The following CDC27 variants were observed in gnomAD, a reference collection of about 807,000 sequenced individuals.
The protein encoded by CDC27 is cell division cycle protein 27 homolog.
A neutral mutation model predicts 109.7 loss-of-function variants in CDC27; 27 were observed. That is an observed-to-expected ratio of 0.25 (90% CI 0.18 to 0.34). CDC27 has a LOEUF of 0.34. Among genes scored for constraint, CDC27 ranks in the 10% least tolerant of loss-of-function variants. CDC27 has a pLI of 1.00. For missense variants in CDC27, 579 were observed against 960.2 expected (o/e 0.60, Z 5.25); for synonymous variants, 266 against 333.9 (o/e 0.80, Z 2.22).
At chr17:47,133,046 CACACACACATACATAT>C (rs1708126975) in intron 14 of CDC27, among the ~76,000 whole-genome samples, 6 of 66,876 alleles carry the variant, frequency 9.0e-5, no homozygotes, top group African/African-American at 3.1e-4. Flanking sequence ...CACACACACA[CACACACACATACATAT>C]ACACACACAC....
Position 47,169,987 on chromosome 17 carries a change from G to C in CDC27, c.307C>G (p.His103Asp), listed in dbSNP as rs2063766734. Residue 103 changes from histidine to aspartate, a missense_variant, in exon 4 of 19, where the codon CAT becomes GAT. His to Asp is a moderately conservative substitution (Grantham distance 81). Around this residue, in one of 9 missense-constraint regions of CDC27, gnomAD observed 52 missense variants for 63.4 expected, o/e 0.82. Transcript: ENST00000066544. ...CCAAACTCAGTAACAATATCATCAT[G>C]GCTTTTCTGCTTATTAAACACTCCA... ...SGGVFNKQKS[H>D]DDIVTEFGDS... is the part of the protein sequence containing the mutation. 3 of 1,594,034 alleles carry C rather than the reference G, an allele frequency of 1.9e-6. No individual in the cohort carries two copies. Among genetic ancestry groups the C allele is most frequent in the East Asian group, 2.3e-5 (1 of 43,252 alleles).
intron 2 of CDC27, among the ~76,000 whole-genome samples, chr17:47,177,760 T>C (rs746145910): frequency 6.6e-5 from 10 of 152,106 alleles, no homozygotes; most frequent in Non-Finnish European, 1.2e-4. Context: ...CTTAGTCTCA[T>C]AGAGTTCCAT....
intron 4 of CDC27, among the ~76,000 whole-genome samples, chr17:47,163,428 C>T (rs1157825345): frequency 6.6e-6 from 1 of 152,144 alleles, no homozygotes; most frequent in Non-Finnish European, 1.5e-5. Context: ...TGGCTGGGTG[C>T]TGTGGCTCAT....
In CDC27 at chr17:47,143,914, C is replaced by A; in HGVS notation, c.1139G>T (p.Arg380Leu). The change falls in exon 10 of 19, where the codon CGA becomes CTA. Residue 380 changes from arginine to leucine, a missense_variant. This residue lies in a region of CDC27 where 51 missense variants were observed against 43.8 expected (regional missense o/e 1.16). Transcript: ENST00000066544. ...TGTGGAGCTGTCACTAGTAAAGAGT[C>A]GTGAACTTCTTCGAGGCAGTGCGTT... is the stretch of plus-strand genomic sequence containing the variant. ...PPNALPRRSSRLFTSDSSTTK... is the reference protein window; with the variant it reads ...PPNALPRRSSLLFTSDSSTTK... 2.7e-6 allele frequency: 4 copies of A among 1,495,150 alleles called. No individual in the cohort carries two copies. In the South Asian group the frequency reaches 5.8e-5, roughly 22 times the overall value. The allele number at this position is 1,495,150 out of a possible 1,614,324, so 92.6% of individuals were successfully genotyped here.
At position 47,126,579 on chromosome 17, in the gene CDC27, A is replaced by G. The variant is rs542125795; in HGVS notation, c.2161-2619T>C. 3.9e-5 allele frequency among the ~76,000 whole-genome samples: 6 copies of G among 152,340 alleles called. No homozygotes were observed. The East Asian group carries it at 1.2e-3, about 29-fold the overall frequency. On this transcript the variant is annotated intron_variant, in intron 16 of 18. Coordinates refer to ENST00000066544, the MANE Select transcript of CDC27 (RefSeq NM_001256.6). ...AGTCCAGACAACTGATGAGATTAGA[A>G]CTTGGGTTTCTTGAAGCAAGTAAAC...
intron 16 of CDC27, among the ~76,000 whole-genome samples, chr17:47,125,348 G>C (rs1249135290): frequency 7.2e-6 from 1 of 138,328 alleles, no homozygotes; most frequent in African/African-American, 2.7e-5. Flanking sequence ...CCAGTGTCAA[G>C]TGATTCTCCT....
chr17:47,142,398 T>C lies in CDC27; in HGVS notation c.1209A>G (p.Lys403=). 4.7e-6 allele frequency: 7 copies of C among 1,500,590 alleles called. No homozygotes were observed. The highest frequency in any genetic ancestry group is 6.4e-6 in the Non-Finnish European group (7 of 1,094,974). The allele number at this position is 1,500,590 out of a possible 1,614,324, so 93.0% of individuals were successfully genotyped here. The change falls in exon 11 of 19, where the codon AAA becomes AAG. Residue 403 remains lysine, a synonymous_variant. Transcript: ENST00000066544. ...TACTTTTTGTTTTTCTGTTTGGGAT[T>C]TTAGGTGGAAACTTCATTTTTAATT... ...SKKLKMKFPP[K]IPNRKTKSKT...
At chr17:47,161,364 G>A (rs989891539) in intron 4 of CDC27, among the ~76,000 whole-genome samples, 9 of 152,144 alleles carry the variant, frequency 5.9e-5, no homozygotes, top group African/African-American at 2.2e-4. Flanking sequence ...AATAGGAAAT[G>A]AAGAAAGGGC....
chr17:47,165,397 G>A (rs2063614571), intron 4 of CDC27, among the ~76,000 whole-genome samples: 1 of 152,086 alleles, frequency 6.6e-6, no homozygotes, highest in South Asian at 2.1e-4. Context: ...ATCTAATGGT[G>A]GTTTTTAATC....
chr17:47,125,978 T>C (rs1192223020), intron 16 of CDC27, among the ~76,000 whole-genome samples: 2 of 152,250 alleles, frequency 1.3e-5, no homozygotes, highest in African/African-American at 4.8e-5. Context: ...GCAACCAGCA[T>C]GCCTATCCCC....
Position 47,129,459 on chromosome 17 carries a change from A to G in CDC27, c.2094T>C (p.Ile698=). The G allele has an allele frequency of 3.7e-6, 6 of 1,609,816 alleles. No homozygotes were observed. In the Admixed American group the frequency reaches 5.0e-5, roughly 13 times the overall value. Residue 698 remains isoleucine (I), a synonymous_variant, in exon 16 of 19, where the codon ATT becomes ATC. Transcript: ENST00000066544. ...ALDTLNKAIV[I]DPKNPLCKFH... is the part of the protein sequence containing the mutation. ...ATTTGCATAGAGGGTTCTTGGGATC[A>G]ATGACAATGGCTTTGTTTAGGGTAT...
At chr17:47,137,034 T>C (rs1473612099) in intron 14 of CDC27, 118 bp downstream of exon 14, 9 of 528,716 alleles carry the variant, frequency 1.7e-5, no homozygotes, top group Non-Finnish European at 3.0e-5. Context: ...GACCAGTATG[T>C]ACCATCCCTA....
At chr17:47,133,014 T>TATATATATATAC (rs1227630249) in intron 14 of CDC27, among the ~76,000 whole-genome samples, 2 of 45,364 alleles carry the variant, frequency 4.4e-5, no homozygotes, top group Non-Finnish European at 8.8e-5. Flanking sequence ...TATATATATA[T>TATATATATATAC]ATATATATAT....
At chr17:47,165,238 A>C (rs2148946956) in intron 4 of CDC27, among the ~76,000 whole-genome samples, 1 of 152,216 alleles carries the variant, frequency 6.6e-6, no homozygotes, top group African/African-American at 2.4e-5. Context: ...GGTTGTTTCC[A>C]GTTTTGGGCT....
rs558627465 is a variant in CDC27, at chr17:47,169,178, A to G, written c.377+739T>C. Among the ~76,000 whole-genome samples the G allele has an allele frequency of 3.3e-5, 5 of 151,128 alleles. No homozygotes were observed. In the East Asian group the frequency reaches 9.7e-4, roughly 29 times the overall value. ...GCTAATTTTTTATTTTTTTGTAGAGATGGGGTCTTGGTATGCTGCCCAGGC... is the reference window on the plus strand; with the variant it reads ...GCTAATTTTTTATTTTTTTGTAGAGGTGGGGTCTTGGTATGCTGCCCAGGC... On this transcript the variant is annotated intron_variant, in intron 4 of 18. Transcript: ENST00000066544.
rs998731052 is a variant in CDC27, at chr17:47,119,836, C to G, written c.*1099G>C. 6 of 152,138 alleles carry G rather than the reference C, an allele frequency of 3.9e-5. No homozygotes were observed. The highest frequency in any genetic ancestry group is 1.4e-4 in the African/African-American group (6 of 41,444). 9.4% of individuals were successfully genotyped at this position (152,138 alleles called of 1,614,324 possible). ...ATTTCCAACATCCTAAACCCAATTA[C>G]TCTTAGTAAATGTTTTGGTGACTCA... On this transcript the variant is annotated 3_prime_UTR_variant, in exon 19 of 19. Transcript: ENST00000066544.
Position 47,128,316 on chromosome 17 carries a change from C to G in CDC27, c.2160+1077G>C, listed in dbSNP as rs539998925. 3.9e-5 allele frequency among the ~76,000 whole-genome samples: 6 copies of G among 152,296 alleles called. No individual in the cohort carries two copies. In the South Asian group the frequency reaches 1.2e-3, roughly 32 times the overall value. On this transcript the variant is annotated intron_variant, in intron 16 of 18. Transcript: ENST00000066544. ...GAAGAGCTGGGATTACAGGTGTGAG[C>G]CACTGCGCCCAGCCCTGAATTTATT...
At position 47,142,034 on chromosome 17, in the gene CDC27, A is replaced by G; in HGVS notation, c.1379-9T>C. 1 of 1,571,840 alleles carries G rather than the reference A, an allele frequency of 6.4e-7. No individual in the cohort carries two copies. Among genetic ancestry groups the G allele is most frequent in the Non-Finnish European group, 8.6e-7 (1 of 1,162,646 alleles). On this transcript the variant is annotated splice_polypyrimidine_tract_variant and intron_variant, in intron 11 of 18. Coordinates refer to ENST00000066544, the MANE Select transcript of CDC27 (RefSeq NM_001256.6). Reference sequence around the variant, plus strand: ...AAGGCTCATCAAACCTTCTAGGAGAAAACAACATAGTAAACAAAGGAAAAA... The same window carrying G: ...AAGGCTCATCAAACCTTCTAGGAGAGAACAACATAGTAAACAAAGGAAAAA...
chr17:47,174,580 T>C (rs1188868236), intron 2 of CDC27, among the ~76,000 whole-genome samples: 3 of 151,246 alleles, frequency 2.0e-5, no homozygotes, highest in Non-Finnish European at 4.4e-5. Flanking sequence ...CTTAAAGTAA[T>C]ATTGAGAAAT....
Sources: gnomAD v4.1 joint callset for allele counts (sites outside exome capture counted in the v4.1 genomes callset) on GRCh38, gnomAD v4.1.1 for gene constraint, gnomAD v4.1.1 regional missense constraint, MANE v1.5 for transcripts, NCBI Gene and HGNC (gene_info 2026-07-23, HGNC 2026-07-21) for gene names.